Variants in ITGAM observed in about 807,000 individuals in gnomAD.
The protein encoded by ITGAM is integrin alpha-M.
In ITGAM, 79 loss-of-function variants were observed where a neutral mutation model predicts 137.5. The observed-to-expected ratio is 0.57, with a 90% CI of 0.48 to 0.69. The LOEUF (loss-of-function observed/expected upper bound fraction) is 0.69. Among genes scored for constraint, ITGAM ranks in the 30% least tolerant of loss-of-function variants. ITGAM has a pLI of 0.00. For synonymous variants in ITGAM, 583 were observed against 592.3 expected, an observed-to-expected ratio of 0.98 and a Z score of 0.23; for missense variants, 1,343 against 1,483.5, an observed-to-expected ratio of 0.91 and a Z score of 1.56.
intron 2 of ITGAM, among the ~76,000 whole-genome samples, chr16:31,262,027 C>G (rs1420711051): frequency 6.6e-6 from 1 of 152,100 alleles, no homozygotes; most frequent in Non-Finnish European, 1.5e-5. Context: ...CAGGAGGGAC[C>G]TCACAAATGG....
At chr16:31,323,994 G>A (rs911655434) in intron 16 of ITGAM, among the ~76,000 whole-genome samples, 2 of 151,270 alleles carry the variant, frequency 1.3e-5, no homozygotes, top group East Asian at 1.9e-4. Flanking sequence ...GCCTGGGCAA[G>A]AGAGTGAGAT....
intron 14 of ITGAM, among the ~76,000 whole-genome samples, chr16:31,308,376 G>C (rs2080287629): frequency 1.3e-5 from 2 of 152,116 alleles, no homozygotes; most frequent in Non-Finnish European, 2.9e-5. Context: ...GTTTAGTCTT[G>C]GGAGAGTGTA....
In ITGAM at chr16:31,324,489, C is replaced by T. The variant is rs2080484424; in HGVS notation, c.2093C>T (p.Thr698Ile). The change falls in exon 17 of 30, where the codon ACA becomes ATA. Residue 698 changes from threonine (T) to isoleucine (I), a missense_variant. Transcript: ENST00000544665. This position sits in a 1 kb window ranked among gnomAD's most constrained non-coding sequence, Gnocchi z 4.5. ...RAVFNETKNS[T>I]RRQTQVLGLT... ...GTCTTCAATGAGACAAAGAACAGCA[C>T]ACGCAGACAGACACAGGTCTTGGGG... The T allele has an allele frequency of 6.3e-7, 1 of 1,596,010 alleles. No individual in the cohort carries two copies. Among genetic ancestry groups the T allele is most frequent in the Non-Finnish European group, 8.5e-7 (1 of 1,171,588 alleles).
intron 2 of ITGAM, among the ~76,000 whole-genome samples, chr16:31,263,972 A>C (rs1401744005): frequency 6.6e-6 from 1 of 151,504 alleles, no homozygotes; most frequent in East Asian, 2.0e-4. Flanking sequence ...AGTAGCTGGG[A>C]CTACAGGTGC....
chr16:31,302,454 C>CTTTCTTTCTTT (rs1567268010), intron 14 of ITGAM, among the ~76,000 whole-genome samples: 196 of 91,966 alleles, frequency 2.1e-3, no homozygotes, highest in African/African-American at 5.5e-3. Context: ...TTTCTTTCTT[C>CTTTCTTTCTTT]CTTCCTTTCT....
At chr16:31,302,988 CTTTCTTTCTTTT>C (rs2080230375) in intron 14 of ITGAM, among the ~76,000 whole-genome samples, 1 of 83,886 alleles carries the variant, frequency 1.2e-5, no homozygotes, top group Non-Finnish European at 2.4e-5. Context: ...TTCTTTCTTT[CTTTCTTTCTTTT>C]TCTTTCTCTC....
At chr16:31,306,090 T>C (rs2080261819) in intron 14 of ITGAM, among the ~76,000 whole-genome samples, 1 of 152,204 alleles carries the variant, frequency 6.6e-6, no homozygotes, top group Non-Finnish European at 1.5e-5. Context: ...CTTCTGGTCC[T>C]GGGCTCTTTC....
chr16:31,270,104 T>TCCTC (rs1207077378), intron 5 of ITGAM, among the ~76,000 whole-genome samples: 1 of 89,510 alleles, frequency 1.1e-5, no homozygotes, highest in Non-Finnish European at 2.4e-5. Context: ...ATCTGGCAAA[T>TCCTC]CCTTCCTTCC....
At position 31,275,375 on chromosome 16, in the gene ITGAM, C is replaced by G. The variant is rs41479850; in HGVS notation, c.859-174C>G. On this transcript the variant is annotated intron_variant, in intron 8 of 29. Transcript: ENST00000544665. ...CCCAACTTGCTTCCTTGGCACAGTGCCTTGTGCAGTGTACAACCTGCCCAA... is the reference window on the plus strand; with the variant it reads ...CCCAACTTGCTTCCTTGGCACAGTGGCTTGTGCAGTGTACAACCTGCCCAA... Among the ~76,000 whole-genome samples the G allele has an allele frequency of 7.4e-3, 1,126 of 152,304 alleles. 3 individuals carry two copies. Among genetic ancestry groups the G allele is most frequent in the Middle Eastern group, 0.02 (6 of 294 alleles).
In ITGAM at chr16:31,269,929, G is replaced by C. The variant is rs373868830; in HGVS notation, c.428-1025G>C. On this transcript the variant is annotated intron_variant, in intron 5 of 29. Coordinates refer to ENST00000544665, the MANE Select transcript of ITGAM (RefSeq NM_000632.4). ...TCCAATGGGAATCCAGAGGGCAACA[G>C]AGTCCTGGTGATGGGGTCCCTGCAG... Among the ~76,000 whole-genome samples the C allele has an allele frequency of 5.9e-5, 9 of 152,314 alleles. No homozygotes were observed. In the East Asian group the frequency reaches 1.5e-3, roughly 26 times the overall value.
At position 31,270,137 on chromosome 16, in the gene ITGAM, GCTTTCCTTTC is replaced by G. The variant is rs796696322; in HGVS notation, c.428-772_428-763del. Among the ~76,000 whole-genome samples the G allele has an allele frequency of 6.3e-4, 56 of 88,450 alleles. 1 individual carries two copies. Among genetic ancestry groups the G allele is most frequent in the East Asian group, 4.5e-3 (14 of 3,092 alleles). 58.0% of individuals were successfully genotyped at this position (88,450 alleles called of 152,430 possible). ...TCCTTCCTTCCTTCCTTCCTCCTTT[GCTTTCCTTTC>G]CTTTCCTTTCCTTTCCTTTCCTTTC... On this transcript the variant is annotated intron_variant, in intron 5 of 29. Coordinates refer to ENST00000544665, the MANE Select transcript of ITGAM (RefSeq NM_000632.4).
chr16:31,306,552 T>G (rs2080266773), intron 14 of ITGAM, among the ~76,000 whole-genome samples: 1 of 151,970 alleles, frequency 6.6e-6, no homozygotes, highest in African/African-American at 2.4e-5. Flanking sequence ...TTTGCCCTGT[T>G]GCCCACACTG....
At chr16:31,266,183 C>T in intron 5 of ITGAM, 36 bp downstream of exon 5, 1 of 1,441,838 alleles carries the variant, frequency 6.9e-7, no homozygotes, top group Non-Finnish European at 9.7e-7. Context: ...AGATGCGCAG[C>T]AAAAGACCAG....
intron 29 of ITGAM, 125 bp from the exon 30 acceptor site, chr16:31,331,511 C>A: frequency 1.0e-5 from 6 of 596,924 alleles, no homozygotes; most frequent in East Asian, 2.9e-5. Flanking sequence ...GGATGTCACT[C>A]CCCTCCCGCC....
At chr16:31,327,971 G>A (rs1219330962) in intron 22 of ITGAM, 176 bp from the exon 23 acceptor site, 1 of 601,720 alleles carries the variant, frequency 1.7e-6, no homozygotes, top group African/African-American at 1.8e-5. Flanking sequence ...CAGACATCCA[G>A]CTGGAGAGGG....
At chr16:31,276,828 T>C in intron 10 of ITGAM, 84 bp downstream of exon 10, 1 of 1,581,684 alleles carries the variant, frequency 6.3e-7, no homozygotes, top group Non-Finnish European at 8.6e-7. Context: ...TGGGGACTCT[T>C]CTCTGTGATA....
chr16:31,266,225 C>A, intron 5 of ITGAM, 78 bp downstream of exon 5: 1 of 994,074 alleles, frequency 1.0e-6, no homozygotes, highest in South Asian at 1.3e-5. Flanking sequence ...GACGTCTGCT[C>A]AAGGTCTGGG....
At chr16:31,272,205 A>G (rs1159145920) in intron 7 of ITGAM, among the ~76,000 whole-genome samples, 2 of 151,222 alleles carry the variant, frequency 1.3e-5, no homozygotes, top group African/African-American at 2.4e-5. Context: ...GTCTGGAGGG[A>G]AGCTACAAAG....
chr16:31,263,396 G>C (rs1371648436), intron 2 of ITGAM, among the ~76,000 whole-genome samples: 1 of 152,188 alleles, frequency 6.6e-6, no homozygotes, highest in East Asian at 1.9e-4. Context: ...ACGGGTGCAT[G>C]AGCACGTGCA....
Sources: gnomAD v4.1 joint callset for allele counts (sites outside exome capture counted in the v4.1 genomes callset) on GRCh38, gnomAD v4.1.1 for gene constraint, Gnocchi (gnomAD v3.1) non-coding constraint, MANE v1.5 for transcripts, NCBI Gene and HGNC (gene_info 2026-07-23, HGNC 2026-07-21) for gene names.